SLC44A1: variants seen among roughly 807,000 people sequenced by gnomAD.
SLC44A1 encodes choline transporter-like protein 1.
In SLC44A1, 26 loss-of-function variants were observed where a neutral mutation model predicts 79.3. The ratio of observed to expected loss-of-function variants is 0.33; its 90% confidence interval spans 0.24 to 0.46. The LOEUF is 0.46. Among genes scored for constraint, SLC44A1 ranks in the 20% least tolerant of loss-of-function variants. SLC44A1 has a pLI of 1.00. For missense variants in SLC44A1, 688 were observed against 798.1 expected (o/e 0.86, Z 1.66); for synonymous variants, 263 against 286.2 (o/e 0.92, Z 0.82).
intron 1 of SLC44A1, among the ~76,000 whole-genome samples, chr9:105,293,324 A>G (rs1291427099): frequency 6.6e-6 from 1 of 152,228 alleles, no homozygotes; most frequent in Non-Finnish European, 1.5e-5. Flanking sequence ...GAAGCTTTGT[A>G]CTTCTGCCTT....
At chr9:105,366,289 C>G (rs1827938208) in intron 11 of SLC44A1, 57 bp from the exon 12 acceptor site, 4 of 886,158 alleles carry the variant, frequency 4.5e-6, no homozygotes, top group Non-Finnish European at 6.7e-6. Flanking sequence ...TTGAAGTCTT[C>G]TATGTGACAG....
At chr9:105,420,085 A>G (rs1224976201) in intron 15 of SLC44A1, among the ~76,000 whole-genome samples, 1 of 152,104 alleles carries the variant, frequency 6.6e-6, no homozygotes. Flanking sequence ...TGATTAGAGG[A>G]AGCATTTGAT....
At chr9:105,406,167 C>G (rs1342874698) in intron 15 of SLC44A1, among the ~76,000 whole-genome samples, 1 of 151,944 alleles carries the variant, frequency 6.6e-6, no homozygotes, top group African/African-American at 2.4e-5. Flanking sequence ...AAAACTCTGT[C>G]AAATCACTAG....
At chr9:105,276,565 CGT>C (rs60259632) in intron 1 of SLC44A1, among the ~76,000 whole-genome samples, 21,871 of 118,420 alleles carry the variant, frequency 0.18, 1,661 homozygotes, top group Middle Eastern at 0.26. Flanking sequence ...GATGGGGAGC[CGT>C]GTGTGTGTGT....
rs145280195 is a variant in SLC44A1 at position 105,322,567 on chromosome 9, G to A, written c.269+12701G>A. ...CTTAGAGGAGAATGAAAGGGGTATT[G>A]CCATTCTAGGCCGAAACCTGTTCCA... On this transcript the variant is annotated intron_variant, in intron 3 of 15. Transcript: ENST00000374720. 1.7e-3 allele frequency among the ~76,000 whole-genome samples: 259 copies of A among 152,270 alleles called. 1 individual carries two copies. Among genetic ancestry groups the A allele is most frequent in the African/African-American group, 6.0e-3 (251 of 41,554 alleles).
chr9:105,390,369 T>C lies in SLC44A1; in HGVS notation c.*1313T>C. The C allele has an allele frequency of 1.0e-6, 1 of 969,852 alleles. No individual in the cohort carries two copies. The highest frequency in any genetic ancestry group is 1.8e-5 in the African/African-American group (1 of 54,348). The allele number at this position is 969,852 out of a possible 1,614,324, so 60.1% of individuals were successfully genotyped here. A position where few individuals can be genotyped will look rare whatever the true frequency, so the allele number is the denominator to read the frequency against. On this transcript the variant is annotated 3_prime_UTR_variant, in exon 16 of 16. Coordinates refer to ENST00000374720, the MANE Select transcript of SLC44A1 (RefSeq NM_080546.5). ...TTTTAAAAAAAGCTATTTTTGTTAA[T>C]GTAAAGTAAATATTTCAGAGCAAAT... is the stretch of plus-strand genomic sequence containing the variant.
intron 3 of SLC44A1, among the ~76,000 whole-genome samples, chr9:105,328,834 A>G (rs1197600497): frequency 2.0e-5 from 3 of 152,054 alleles, no homozygotes; most frequent in African/African-American, 4.8e-5. Context: ...GCCTCTTCCT[A>G]GTTAGGATTG....
At chr9:105,270,000 T>C (rs934390064) in intron 1 of SLC44A1, among the ~76,000 whole-genome samples, 1 of 152,232 alleles carries the variant, frequency 6.6e-6, no homozygotes, top group African/African-American at 2.4e-5. Flanking sequence ...AGACCAATAT[T>C]GAATCCCATC....
At chr9:105,400,566 ATTC>A (rs1479414493), downstream of SLC44A1, among the ~76,000 whole-genome samples, 5 of 152,120 alleles carry the variant, frequency 3.3e-5, no homozygotes, top group African/African-American at 1.2e-4. Context: ...ACATAGGTAT[ATTC>A]TTCTTTCTGA....
intron 13 of SLC44A1, among the ~76,000 whole-genome samples, chr9:105,378,225 G>A (rs1054296567): frequency 6.6e-6 from 1 of 152,218 alleles, no homozygotes. Flanking sequence ...CTGCAGCCCG[G>A]ACGACAAAGC....
At chr9:105,255,452 A>G (rs1402823577) in intron 1 of SLC44A1, among the ~76,000 whole-genome samples, 1 of 152,242 alleles carries the variant, frequency 6.6e-6, no homozygotes, top group Non-Finnish European at 1.5e-5. Flanking sequence ...TCTAAAGTTG[A>G]GTAATGCTAT....
chr9:105,374,991 G>A (rs1828231198), intron 13 of SLC44A1, among the ~76,000 whole-genome samples: 1 of 152,178 alleles, frequency 6.6e-6, no homozygotes, highest in Admixed American at 6.5e-5. Context: ...GGCATGGAAA[G>A]GCTAGGTCAT....
chr9:105,424,245 C>T (rs957089365), intron 15 of SLC44A1, among the ~76,000 whole-genome samples: 2 of 152,138 alleles, frequency 1.3e-5, no homozygotes. Flanking sequence ...AGCCTAATAC[C>T]ACTCTCCAGA....
chr9:105,363,962 A>G (rs887433763), intron 9 of SLC44A1, among the ~76,000 whole-genome samples: 13 of 152,212 alleles, frequency 8.5e-5, no homozygotes, highest in Non-Finnish European at 1.9e-4. Context: ...ATAGCCAAGG[A>G]TCTACTTACT....
Position 105,250,547 on chromosome 9 carries a change from G to T in SLC44A1, c.36+5643G>T, listed in dbSNP as rs563935566. 2.0e-4 allele frequency among the ~76,000 whole-genome samples: 31 copies of T among 152,258 alleles called. No individual in the cohort carries two copies. In the South Asian group the frequency reaches 6.4e-3, roughly 32 times the overall value. On this transcript the variant is annotated intron_variant, in intron 1 of 15. Transcript: ENST00000374720. ...TTGTAATTTTGCCTCAGATTTTTGGGACTATAGGGGATATATGAGATAAAC... is the reference window on the plus strand; with the variant it reads ...TTGTAATTTTGCCTCAGATTTTTGGTACTATAGGGGATATATGAGATAAAC...
chr9:105,310,865 TAAAC>T (rs967356295), intron 3 of SLC44A1, among the ~76,000 whole-genome samples: 1 of 152,214 alleles, frequency 6.6e-6, no homozygotes, highest in African/African-American at 2.4e-5. Context: ...GCAGTTTAAA[TAAAC>T]AAAATTGTAA....
chr9:105,335,278 T>C (rs976011595), intron 3 of SLC44A1, among the ~76,000 whole-genome samples: 2 of 152,146 alleles, frequency 1.3e-5, no homozygotes, highest in Non-Finnish European at 1.5e-5. Context: ...AATTAATGAT[T>C]TGAAGAAAAC....
At chr9:105,351,506 C>T (rs1263794394) in intron 5 of SLC44A1, among the ~76,000 whole-genome samples, 1 of 148,768 alleles carries the variant, frequency 6.7e-6, no homozygotes, top group East Asian at 2.0e-4. Flanking sequence ...GCACTCCAGC[C>T]TGGGCAACAG....
chr9:105,244,672 G>T lies in SLC44A1; in HGVS notation c.-197G>T. 3.7e-6 allele frequency: 1 copy of T among 273,028 alleles called. No homozygotes were observed. Among genetic ancestry groups the T allele is most frequent in the Non-Finnish European group, 6.8e-6 (1 of 146,600 alleles). The allele number at this position is 273,028 out of a possible 1,614,324, so 16.9% of individuals were successfully genotyped here. On this transcript the variant is annotated 5_prime_UTR_variant, in exon 1 of 16. Coordinates refer to ENST00000374720, the MANE Select transcript of SLC44A1 (RefSeq NM_080546.5). ...CAGGAGACGCGTAGCCGCCGTCGCC[G>T]CCGCCGGGGGATGTGGCCGGCGCCT...
Sources: gnomAD v4.1 joint callset for allele counts (sites outside exome capture counted in the v4.1 genomes callset) on GRCh38, gnomAD v4.1.1 for gene constraint, MANE v1.5 for transcripts, NCBI Gene and HGNC (gene_info 2026-07-23, HGNC 2026-07-21) for gene names.